CRYBG3: variants seen among roughly 807,000 people sequenced by gnomAD.
CRYBG3 encodes very large A-kinase anchor protein.
Under a neutral mutation model 244.2 loss-of-function variants are expected in CRYBG3, and 127 were observed. The ratio of observed to expected loss-of-function variants is 0.52; its 90% confidence interval spans 0.45 to 0.60. The LOEUF is 0.60. CRYBG3 is among the 20% of genes least tolerant of loss of function. The probability of loss-of-function intolerance (pLI) is 0.00; values close to 1 mark genes in which losing one functional copy is unlikely to be tolerated. For missense variants in CRYBG3, 3,325 were observed against 3,442.5 expected (o/e 0.97, Z 0.85); for synonymous variants, 1,132 against 1,195.8 (o/e 0.95, Z 1.10).
At chr3:97,883,068 G>T (rs371108596) in intron 7 of CRYBG3, among the ~76,000 whole-genome samples, 6 of 152,256 alleles carry the variant, frequency 3.9e-5, no homozygotes, top group Non-Finnish European at 7.4e-5. Context: ...GGGAAGAGGC[G>T]TGTCACCTGG....
At chr3:97,916,285 G>T (rs976118054) in intron 17 of CRYBG3, among the ~76,000 whole-genome samples, 1 of 152,106 alleles carries the variant, frequency 6.6e-6, no homozygotes, top group African/African-American at 2.4e-5. Context: ...TTACTTTAAG[G>T]CATGGGCCAC....
At chr3:97,823,949 C>G (rs1373946656) in intron 1 of CRYBG3, among the ~76,000 whole-genome samples, 2 of 152,212 alleles carry the variant, frequency 1.3e-5, no homozygotes, top group African/African-American at 2.4e-5. Context: ...TGTTCACCTA[C>G]CACTTCTCTA....
chr3:97,857,094 T>A lies in CRYBG3; in HGVS notation c.217-7123T>A, dbSNP rs142521611. On this transcript the variant is annotated intron_variant, in intron 2 of 21. Coordinates refer to ENST00000389622, the MANE Select transcript of CRYBG3 (RefSeq NM_153605.4). ...TGTATGTTGTGTTTCTACTTTCATT[T>A]GACGAAACAAATGTTTTAATTTTCT... Among the ~76,000 whole-genome samples, 42 of 152,276 alleles carry A rather than the reference T, an allele frequency of 2.8e-4. 3 individuals are homozygous for A. The East Asian group carries it at 8.1e-3, about 29-fold the overall frequency.
At chr3:97,941,400 A>G (rs770547591) in intron 20 of CRYBG3, 94 bp downstream of exon 20, 27 of 864,584 alleles carry the variant, frequency 3.1e-5, no homozygotes, top group Non-Finnish European at 4.3e-5. Flanking sequence ...TGATAAAACA[A>G]TGCAACTTCT....
At chr3:97,861,115 A>C (rs969339774) in intron 2 of CRYBG3, among the ~76,000 whole-genome samples, 1 of 151,958 alleles carries the variant, frequency 6.6e-6, no homozygotes, top group African/African-American at 2.4e-5. Flanking sequence ...TTCCTCACCC[A>C]CCACTTCTAA....
In CRYBG3 at chr3:97,872,131, A is replaced by G. The variant is rs2039312409; in HGVS notation, c.937A>G (p.Lys313Glu). The G allele has an allele frequency of 6.5e-7, 1 of 1,536,048 alleles. No homozygotes were observed. Among genetic ancestry groups the G allele is most frequent in the South Asian group, 1.2e-5 (1 of 84,060 alleles). ...TGATTGTAGCAAAACAAGTTTCAAC[A>G]AGGAAAATTCTTTGACAAATAACCC... ...DSDCSKTSFNKENSLTNNPEL... is the reference protein window; with the variant it reads ...DSDCSKTSFNEENSLTNNPEL... Residue 313 changes from lysine (K) to glutamate (E), a missense_variant, in exon 4 of 22, where the codon AAG becomes GAG. Transcript: ENST00000389622.
At chr3:97,841,232 GTGTGTATATACATATATGTATATA>G (rs1330408584) in intron 1 of CRYBG3, among the ~76,000 whole-genome samples, 4 of 149,416 alleles carry the variant, frequency 2.7e-5, no homozygotes, top group Admixed American at 6.7e-5. Flanking sequence ...ATGTATATAT[GTGTGTATATACATATATGTATATA>G]TGTGTATACA....
chr3:97,908,361 A>G (rs901360580), intron 15 of CRYBG3, among the ~76,000 whole-genome samples: 7 of 152,258 alleles, frequency 4.6e-5, no homozygotes, highest in African/African-American at 1.7e-4. Flanking sequence ...AAAGTCTCCC[A>G]TTATTAATAT....
At chr3:97,905,871 GT>G (rs2039767985) in intron 15 of CRYBG3, among the ~76,000 whole-genome samples, 1 of 131,682 alleles carries the variant, frequency 7.6e-6, no homozygotes. Context: ...GGTTTTTATG[GT>G]TTTAGGTCTA....
intron 16 of CRYBG3, among the ~76,000 whole-genome samples, chr3:97,913,295 T>C (rs941790275): frequency 6.6e-6 from 1 of 152,190 alleles, no homozygotes; most frequent in South Asian, 2.1e-4. Flanking sequence ...CCATTTCCCA[T>C]CCTATTCTCC....
At chr3:97,881,990 C>T (rs1464765653) in intron 7 of CRYBG3, among the ~76,000 whole-genome samples, 4 of 151,792 alleles carry the variant, frequency 2.6e-5, no homozygotes, top group Non-Finnish European at 5.9e-5. Context: ...GGGTGGATCA[C>T]TTGAGGTCAG....
intron 7 of CRYBG3, among the ~76,000 whole-genome samples, chr3:97,883,763 T>C (rs1283005094): frequency 1.3e-5 from 2 of 152,210 alleles, no homozygotes; most frequent in East Asian, 1.9e-4. Context: ...TTAAATATTT[T>C]ACAAAGTAAT....
At chr3:97,879,350 A>G (rs974718362) in intron 4 of CRYBG3, among the ~76,000 whole-genome samples, 1 of 152,204 alleles carries the variant, frequency 6.6e-6, no homozygotes, top group Non-Finnish European at 1.5e-5. Flanking sequence ...TTCCTCAGAA[A>G]TGCCTCTTTG....
intron 15 of CRYBG3, among the ~76,000 whole-genome samples, chr3:97,905,043 T>G (rs2039754625): frequency 6.6e-6 from 1 of 152,136 alleles, no homozygotes; most frequent in Non-Finnish European, 1.5e-5. Context: ...GATTTCCAAT[T>G]TCATCCATGT....
At chr3:97,883,657 C>T (rs1357306394) in intron 7 of CRYBG3, among the ~76,000 whole-genome samples, 3 of 151,702 alleles carry the variant, frequency 2.0e-5, no homozygotes, top group African/African-American at 7.3e-5. Flanking sequence ...TTTTTAGTTG[C>T]AGTGTTAGTT....
Position 97,874,730 on chromosome 3 carries a change from T to C in CRYBG3, c.3536T>C (p.Ile1179Thr). ...QQCSEASAEH[I>T]EARRRAHDQL... ...TGTTCTGAAGCCTCTGCTGAGCACA[T>C]AGAAGCCAGGAGAAGAGCACATGAC... Residue 1179 changes from isoleucine to threonine, a missense_variant, in exon 4 of 22, where the codon ATA (isoleucine) becomes ACA (threonine). Physicochemically the swap from Ile to Thr is moderately conservative, Grantham distance 89. Transcript: ENST00000389622. 1.3e-6 allele frequency: 2 copies of C among 1,535,874 alleles called. No homozygotes were observed. The highest frequency in any genetic ancestry group is 1.7e-6 in the Non-Finnish European group (2 of 1,146,840).
At chr3:97,887,490 G>A (rs1251572288) in intron 8 of CRYBG3, among the ~76,000 whole-genome samples, 2 of 152,124 alleles carry the variant, frequency 1.3e-5, no homozygotes, top group African/African-American at 4.8e-5. Context: ...GGTGGCTCAC[G>A]CCTGTAATCC....
At chr3:97,890,327 A>G (rs1350891878) in intron 10 of CRYBG3, among the ~76,000 whole-genome samples, 8 of 152,162 alleles carry the variant, frequency 5.3e-5, no homozygotes, top group Admixed American at 3.3e-4. Context: ...TGCAGTCAAG[A>G]TGTAAAAGAT....
At position 97,874,486 on chromosome 3, in the gene CRYBG3, T is replaced by C. The variant is rs2039346695; in HGVS notation, c.3292T>C (p.Ser1098Pro). ...CAAAGATCTCACACATGAAGGTACC[T>C]CTGTAACTAACCTGTTGTACCCTAC... ...VTKDLTHEGT[S>P]VTNLLYPTTS... Residue 1098 changes from serine (S) to proline (P), a missense_variant, in exon 4 of 22, where the codon TCT becomes CCT. Around this residue, in one of 4 missense-constraint regions of CRYBG3, gnomAD observed 1,526 missense variants for 1,443.2 expected, o/e 1.06. Coordinates refer to ENST00000389622, the MANE Select transcript of CRYBG3 (RefSeq NM_153605.4). 6.5e-7 allele frequency: 1 copy of C among 1,534,206 alleles called. No individual in the cohort carries two copies. Among genetic ancestry groups the C allele is most frequent in the African/African-American group, 1.4e-5 (1 of 72,924 alleles).
Sources: gnomAD v4.1 joint callset for allele counts (sites outside exome capture counted in the v4.1 genomes callset) on GRCh38, gnomAD v4.1.1 for gene constraint, gnomAD v4.1.1 regional missense constraint, MANE v1.5 for transcripts, NCBI Gene and HGNC (gene_info 2026-07-23, HGNC 2026-07-21) for gene names.